The following COL19A1 variants were observed in gnomAD, a reference collection of about 807,000 sequenced individuals.
COL19A1 encodes the protein collagen alpha-1(XIX) chain.
COL19A1 carries 159 observed loss-of-function variants against 190.2 expected under a neutral mutation model. That is an observed-to-expected ratio of 0.84 (90% confidence interval 0.73 to 0.95). The LOEUF (loss-of-function observed/expected upper bound fraction) is 0.95. Among genes scored for constraint, COL19A1 ranks in the 40% least tolerant of loss-of-function variants. The probability of loss-of-function intolerance (pLI) is 0.00; values close to 1 mark genes in which losing one functional copy is unlikely to be tolerated. For synonymous variants in COL19A1, 509 were observed against 458.9 expected, an observed-to-expected ratio of 1.11 and a Z score of -1.39; for missense variants, 1,418 against 1,431.9, an observed-to-expected ratio of 0.99 and a Z score of 0.16.
intron 6 of COL19A1, 57 bp from the exon 7 acceptor site, chr6:69,932,726 T>C: frequency 1.0e-6 from 1 of 957,504 alleles, no homozygotes; most frequent in Admixed American, 2.2e-5. Flanking sequence ...AGTTCTTAAC[T>C]GCCTGAATGT....
intron 25 of COL19A1, 61 bp from the exon 26 acceptor site, chr6:70,146,598 C>G: frequency 7.7e-7 from 1 of 1,301,642 alleles, no homozygotes; most frequent in Non-Finnish European, 1.1e-6. Flanking sequence ...TTAGTTATAA[C>G]TTCTAATGTG....
chr6:70,187,273 C>CAAA (rs1766586690), intron 46 of COL19A1, among the ~76,000 whole-genome samples: 6 of 152,126 alleles, frequency 3.9e-5, no homozygotes, highest in Admixed American at 1.3e-4. Flanking sequence ...TTCAATGGTT[C>CAAA]TCCCTTCTCA....
chr6:70,168,875 C>T (rs1260283770), intron 40 of COL19A1, among the ~76,000 whole-genome samples, 194 bp downstream of exon 40: 1 of 152,186 alleles, frequency 6.6e-6, no homozygotes, highest in Non-Finnish European at 1.5e-5. Flanking sequence ...GATGTTGTCA[C>T]TGCCCTTGAG....
intron 39 of COL19A1, 37 bp downstream of exon 39, chr6:70,168,252 T>C: frequency 6.2e-7 from 1 of 1,600,008 alleles, no homozygotes; most frequent in South Asian, 1.1e-5. Context: ...ACACTTTAGC[T>C]GAACAACCAC....
At chr6:69,916,038 G>A (rs1483456942) in intron 4 of COL19A1, among the ~76,000 whole-genome samples, 4 of 147,618 alleles carry the variant, frequency 2.7e-5, no homozygotes, top group South Asian at 2.2e-4. Flanking sequence ...CCAGGTTCAC[G>A]CCATTCTCCT....
At chr6:70,177,679 C>T (rs1277759134) in intron 42 of COL19A1, among the ~76,000 whole-genome samples, 1 of 152,242 alleles carries the variant, frequency 6.6e-6, no homozygotes, top group African/African-American at 2.4e-5. Flanking sequence ...TATTCCCTCA[C>T]TACTGCCCCA....
chr6:70,158,773 G>C (rs1303750957), intron 34 of COL19A1, among the ~76,000 whole-genome samples: 1 of 152,114 alleles, frequency 6.6e-6, no homozygotes, highest in Non-Finnish European at 1.5e-5. Flanking sequence ...TGAAATATCA[G>C]AGCAGGGTAA....
chr6:69,894,438 T>A (rs1411553840), intron 2 of COL19A1, among the ~76,000 whole-genome samples: 4 of 152,222 alleles, frequency 2.6e-5, no homozygotes, highest in Admixed American at 2.6e-4. Context: ...GATCTGCAGT[T>A]TACCAATAAT....
At chr6:69,932,666 C>T (rs1177563781) in intron 6 of COL19A1, 117 bp from the exon 7 acceptor site, 1 of 589,876 alleles carries the variant, frequency 1.7e-6, no homozygotes, top group Non-Finnish European at 3.0e-6. Context: ...AAATATCCAC[C>T]AGTAATTTAT....
intron 15 of COL19A1, among the ~76,000 whole-genome samples, chr6:70,093,314 A>C (rs1368308448): frequency 6.6e-6 from 1 of 152,150 alleles, no homozygotes; most frequent in Non-Finnish European, 1.5e-5. Flanking sequence ...CCAAGATGTT[A>C]AAATACATCA....
chr6:69,944,858 C>T (rs930166424), intron 9 of COL19A1, among the ~76,000 whole-genome samples: 1 of 151,928 alleles, frequency 6.6e-6, no homozygotes, highest in African/African-American at 2.4e-5. Flanking sequence ...CGATTTTAAC[C>T]ATGCTCTTTA....
intron 16 of COL19A1, among the ~76,000 whole-genome samples, chr6:70,117,932 G>A (rs1313911824): frequency 6.6e-6 from 1 of 152,200 alleles, no homozygotes. Context: ...CATAAGCCAA[G>A]GCTGACATGC....
chr6:69,968,480 TAATC>T (rs1775244760), intron 11 of COL19A1, among the ~76,000 whole-genome samples: 1 of 152,174 alleles, frequency 6.6e-6, no homozygotes, highest in South Asian at 2.1e-4. Context: ...AGAAATTAGA[TAATC>T]AGACTATTTT....
intron 27 of COL19A1, among the ~76,000 whole-genome samples, chr6:70,148,450 GGC>G (rs1364636970): frequency 1.3e-5 from 2 of 152,128 alleles, no homozygotes; most frequent in African/African-American, 2.4e-5. Flanking sequence ...AGGAACTGGG[GGC>G]AGAGAACACA....
At chr6:69,979,504 A>C (rs1424708699) in intron 11 of COL19A1, among the ~76,000 whole-genome samples, 4 of 151,896 alleles carry the variant, frequency 2.6e-5, no homozygotes, top group Non-Finnish European at 4.4e-5. Flanking sequence ...GGAATTGATG[A>C]AATATTTTTA....
intron 14 of COL19A1, among the ~76,000 whole-genome samples, chr6:70,064,046 G>T (rs1429676823): frequency 6.6e-6 from 1 of 152,108 alleles, no homozygotes; most frequent in Non-Finnish European, 1.5e-5. Context: ...TCTACCAGAG[G>T]TACAAGGAGG....
intron 14 of COL19A1, among the ~76,000 whole-genome samples, chr6:70,045,157 A>G (rs1210356781): frequency 6.6e-6 from 1 of 151,916 alleles, no homozygotes; most frequent in Non-Finnish European, 1.5e-5. Flanking sequence ...AACTAAAAAT[A>G]GAAAAATTAG....
At chr6:70,115,959 G>A (rs1454684385) in intron 16 of COL19A1, among the ~76,000 whole-genome samples, 3 of 150,730 alleles carry the variant, frequency 2.0e-5, no homozygotes, top group Non-Finnish European at 4.4e-5. Context: ...AACCCCAAGA[G>A]ACACTGAAAA....
chr6:70,110,378 G>C (rs1036224618), intron 16 of COL19A1, among the ~76,000 whole-genome samples: 29 of 152,224 alleles, frequency 1.9e-4, no homozygotes, highest in African/African-American at 7.0e-4. Context: ...AATATCTTCA[G>C]AGAAAATGAA....
Sources: gnomAD v4.1 joint callset for allele counts (sites outside exome capture counted in the v4.1 genomes callset) on GRCh38, gnomAD v4.1.1 for gene constraint, MANE v1.5 for transcripts, NCBI Gene and HGNC (gene_info 2026-07-23, HGNC 2026-07-21) for gene names.